Variants in GNE observed in about 807,000 individuals in gnomAD.
GNE encodes the protein bifunctional UDP-N-acetylglucosamine 2-epimerase/N-acetylmannosamine kinase.
GNE carries 41 observed loss-of-function variants against 61.8 expected under a neutral mutation model. The observed-to-expected ratio is 0.66, with a 90% CI of 0.52 to 0.86. GNE has a LOEUF of 0.86. GNE is among the 40% of genes least tolerant of loss of function. The probability of loss-of-function intolerance (pLI) is 0.00; values close to 1 mark genes in which losing one functional copy is unlikely to be tolerated. For missense variants in GNE, 608 were observed against 909.1 expected, an observed-to-expected ratio of 0.67 and a Z score of 4.26; for synonymous variants, 264 against 326.4, an observed-to-expected ratio of 0.81 and a Z score of 2.06.
chr9:36,228,513 C>T (rs1051651523), intron 6 of GNE, among the ~76,000 whole-genome samples: 2 of 152,140 alleles, frequency 1.3e-5, no homozygotes, highest in South Asian at 2.1e-4. Flanking sequence ...TAAAATAAGG[C>T]TGGGCGCAGT....
chr9:36,227,583 ACATCTTCCT>A (rs1828939291), intron 6 of GNE, 125 bp from the exon 7 acceptor site: 10 of 720,718 alleles, frequency 1.4e-5, no homozygotes, highest in Non-Finnish European at 2.5e-5. Context: ...TCCTAAAGTG[ACATCTTCCT>A]GCCGTGCACA....
intron 3 of GNE, among the ~76,000 whole-genome samples, chr9:36,238,344 G>A (rs966353400): frequency 3.3e-5 from 5 of 151,660 alleles, no homozygotes; most frequent in Non-Finnish European, 7.4e-5. Flanking sequence ...CATAGCGGCT[G>A]TACTAGTTTA....
At position 36,236,940 on chromosome 9, in the gene GNE, G is replaced by A. The variant is rs758257873; in HGVS notation, c.661C>T (p.Pro221Ser). 6.2e-7 allele frequency: 1 copy of A among 1,611,536 alleles called. No individual in the cohort carries two copies. Among genetic ancestry groups the A allele is most frequent in the Non-Finnish European group, 8.5e-7 (1 of 1,177,708 alleles). The change falls in exon 4 of 12, where the codon CCT (proline) becomes TCT (serine). Residue 221 changes from proline (P) to serine (S), a missense_variant. Pro to Ser is a moderately conservative substitution (Grantham distance 74, BLOSUM62 -1). Coordinates refer to ENST00000642385, the MANE Select transcript of GNE (RefSeq NM_005476.7). The stretch of plus-strand genomic sequence containing the variant: ...GAATGCTTAATGTCAGTGGTCACAG[G>A]GTGCTGTAGTGCAACAATGTAATCT... Reference protein sequence around the residue: ...SKDYIVALQHPVTTDIKHSIK... With the variant: ...SKDYIVALQHSVTTDIKHSIK...
intron 6 of GNE, among the ~76,000 whole-genome samples, chr9:36,227,672 G>T (rs1010931642): frequency 2.6e-5 from 4 of 152,034 alleles, no homozygotes; most frequent in Non-Finnish European, 5.9e-5. Context: ...CCAAGAGTTT[G>T]AGACCAGCCT....
At chr9:36,270,630 A>G (rs1044479109) in intron 1 of GNE, among the ~76,000 whole-genome samples, 116 of 147,962 alleles carry the variant, frequency 7.8e-4, no homozygotes, top group African/African-American at 2.9e-3. Flanking sequence ...CCATTCTCCT[A>G]CCTCAGCCTC....
chr9:36,218,208 C>T lies in GNE; in HGVS notation c.1908G>A (p.Ala636=), dbSNP rs200812140. The T allele has an allele frequency of 1.6e-5, 26 of 1,613,610 alleles. No homozygotes were observed. The Admixed American group carries it at 3.7e-4, about 23-fold the overall frequency. Residue 636 remains alanine (A), a synonymous_variant, in exon 11 of 12, where the codon GCG becomes GCA. Coordinates refer to ENST00000642385, the MANE Select transcript of GNE (RefSeq NM_005476.7). The surrounding 1 kb of genome is among the most constrained non-coding windows in gnomAD (Gnocchi z 4.1). ...HLIQAAKLGN[A]KAQSILRTAG... ...CTGTTCTTAGGATGCTCTGGGCCTT[C>T]GCATTGCCAAGTTTCGCAGCTTGGA...
intron 1 of GNE, among the ~76,000 whole-genome samples, chr9:36,257,660 G>A (rs1830419298): frequency 1.2e-4 from 18 of 150,560 alleles, no homozygotes; most frequent in African/African-American, 4.4e-4. Context: ...AAAATTAGCC[G>A]GGCGTGGTGG....
At position 36,216,239 on chromosome 9, in the gene GNE, T is replaced by G. The variant is rs1046134136; in HGVS notation, c.*1126A>C. On this transcript the variant is annotated 3_prime_UTR_variant, in exon 12 of 12. Coordinates refer to ENST00000642385, the MANE Select transcript of GNE (RefSeq NM_005476.7). ...ACAATAAAGCTGTTTTAAAAAAAAG[T>G]GTACTTAAGCCCTTCCTGGTAAGAT... 64 of 453,898 alleles carry G rather than the reference T, an allele frequency of 1.4e-4. No individual in the cohort carries two copies. The highest frequency in any genetic ancestry group is 1.2e-3 in the African/African-American group (58 of 49,962). The allele number at this position is 453,898 out of a possible 1,614,324, so 28.1% of individuals were successfully genotyped here. A position where few individuals can be genotyped will look rare whatever the true frequency, so the allele number is the denominator to read the frequency against.
At chr9:36,258,921 T>C (rs572871815), upstream of GNE, among the ~76,000 whole-genome samples, 13 of 152,324 alleles carry the variant, frequency 8.5e-5, no homozygotes, top group South Asian at 2.5e-3. Flanking sequence ...GGAGTGTGAA[T>C]TGATGACCAA....
At chr9:36,223,135 A>G in intron 8 of GNE, 137 bp from the exon 9 acceptor site, 2 of 884,916 alleles carry the variant, frequency 2.3e-6, no homozygotes, top group Non-Finnish European at 1.9e-6. Flanking sequence ...CTGCAAGGAA[A>G]TATTAGACAG....
intron 6 of GNE, among the ~76,000 whole-genome samples, 177 bp from the exon 7 acceptor site, chr9:36,227,635 G>T (rs933411925): frequency 1.3e-5 from 2 of 151,954 alleles, no homozygotes; most frequent in Non-Finnish European, 2.9e-5. Flanking sequence ...GCACTTTGGG[G>T]GGCTGAGGCA....
intron 1 of GNE, among the ~76,000 whole-genome samples, chr9:36,249,840 C>CA (rs933719612): frequency 7.3e-5 from 11 of 151,406 alleles, no homozygotes; most frequent in Admixed American, 7.2e-4. Context: ...GCTGAGATCG[C>CA]ACCACCACAC....
chr9:36,270,401 A>G (rs1006616441), intron 1 of GNE, among the ~76,000 whole-genome samples: 1 of 152,022 alleles, frequency 6.6e-6, no homozygotes, highest in Non-Finnish European at 1.5e-5. Context: ...TTATATCAAT[A>G]GTGTTTTAGA....
chr9:36,246,955 G>T (rs1324280205), intron 2 of GNE, among the ~76,000 whole-genome samples: 1 of 151,906 alleles, frequency 6.6e-6, no homozygotes, highest in Non-Finnish European at 1.5e-5. Flanking sequence ...ACGCGTGAGC[G>T]ACTGCACCCG....
At chr9:36,258,180 C>T (rs1830470879) in intron 1 of GNE, 141 bp downstream of exon 1, 6 of 288,590 alleles carry the variant, frequency 2.1e-5, no homozygotes, top group Non-Finnish European at 3.1e-5. Flanking sequence ...TGGGCGAGAG[C>T]CGGGTCCAGT....
chr9:36,266,863 G>T (rs1180432009), intron 1 of GNE, among the ~76,000 whole-genome samples: 1 of 151,918 alleles, frequency 6.6e-6, no homozygotes, highest in Non-Finnish European at 1.5e-5. Context: ...GAGCCGAGAT[G>T]GCGCCAGCCT....
chr9:36,256,239 C>CTTTTTTTTT (rs34215482), intron 1 of GNE, among the ~76,000 whole-genome samples: 1 of 55,990 alleles, frequency 1.8e-5, no homozygotes, highest in African/African-American at 6.9e-5. Flanking sequence ...AAACCCAATT[C>CTTTTTTTTT]TTTTTTTTTT....
chr9:36,243,717 T>C (rs749617045), intron 3 of GNE, among the ~76,000 whole-genome samples: 3 of 152,078 alleles, frequency 2.0e-5, no homozygotes, highest in East Asian at 1.9e-4. Context: ...TGGTGGTACA[T>C]GCCTGTAGTC....
chr9:36,218,701 C>T lies in GNE; in HGVS notation c.1817-402G>A, dbSNP rs561651161. Among the ~76,000 whole-genome samples, 1 of 152,328 alleles carries T rather than the reference C, an allele frequency of 6.6e-6. No homozygotes were observed. Among genetic ancestry groups the T allele is most frequent in the Non-Finnish European group, 1.5e-5 (1 of 68,030 alleles). On this transcript the variant is annotated intron_variant, in intron 10 of 11. Transcript: ENST00000642385. The surrounding 1 kb of genome is among the most constrained non-coding windows in gnomAD (Gnocchi z 4.1). ...GCCAGCGCCACGCGTTCTATGGCAG[C>T]GAGGCACAGTGGCTGAGGAACAGAC...
Sources: gnomAD v4.1 joint callset for allele counts (sites outside exome capture counted in the v4.1 genomes callset) on GRCh38, gnomAD v4.1.1 for gene constraint, Gnocchi (gnomAD v3.1) non-coding constraint, MANE v1.5 for transcripts, NCBI Gene and HGNC (gene_info 2026-07-23, HGNC 2026-07-21) for gene names.